The following STRN3 variants were observed in gnomAD, a reference collection of about 807,000 sequenced individuals.
STRN3 encodes the protein striatin 3.
Under a neutral mutation model 95.6 loss-of-function variants are expected in STRN3, and 29 were observed. The observed-to-expected ratio is 0.30, with a 90% CI of 0.23 to 0.41. STRN3 has a LOEUF of 0.41. Ranked by LOEUF, STRN3 falls within the 10% of genes least tolerant of loss-of-function variation. The pLI is 1.00. For missense variants in STRN3, 890 were observed against 972.1 expected, an observed-to-expected ratio of 0.92 and a Z score of 1.12; for synonymous variants, 331 against 357.6, an observed-to-expected ratio of 0.93 and a Z score of 0.84.
intron 8 of STRN3, among the ~76,000 whole-genome samples, chr14:30,924,595 T>G (rs1250701846): frequency 6.6e-6 from 1 of 152,150 alleles, no homozygotes; most frequent in Non-Finnish European, 1.5e-5. Context: ...CCCAGCCTCA[T>G]GCTTGAAATC....
intron 1 of STRN3, among the ~76,000 whole-genome samples, chr14:30,958,204 T>C (rs78593555): frequency 0.011 from 1,606 of 152,174 alleles, 34 homozygotes; most frequent in African/African-American, 0.036. Context: ...ACTTAGCTAC[T>C]TGGCAGGCTG....
intron 1 of STRN3, among the ~76,000 whole-genome samples, chr14:31,009,017 A>G (rs2139313728): frequency 1.3e-5 from 2 of 152,214 alleles, no homozygotes; most frequent in Middle Eastern, 6.8e-3. Flanking sequence ...CCAGCCTGGG[A>G]AACAGAAAGA....
intron 1 of STRN3, among the ~76,000 whole-genome samples, chr14:30,967,852 T>C (rs368813165): frequency 2.1e-4 from 32 of 152,350 alleles, no homozygotes; most frequent in East Asian, 7.7e-4. Flanking sequence ...GAAATCTTAA[T>C]TACCATACAA....
chr14:30,946,413 G>A (rs1180073947), intron 5 of STRN3, among the ~76,000 whole-genome samples: 6 of 151,962 alleles, frequency 3.9e-5, no homozygotes, highest in South Asian at 2.1e-4. Flanking sequence ...GCATAGTGGC[G>A]CATGCCTGGA....
chr14:31,014,579 G>C (rs1280616481), intron 1 of STRN3: 1 of 415,180 alleles, frequency 2.4e-6, no homozygotes, highest in Non-Finnish European at 4.8e-6. Flanking sequence ...TCTAAAAGTA[G>C]TCCAAAATTT....
intron 13 of STRN3, among the ~76,000 whole-genome samples, chr14:30,908,614 T>C (rs952256652): frequency 6.6e-6 from 1 of 152,212 alleles, no homozygotes; most frequent in African/African-American, 2.4e-5. Flanking sequence ...CATTCGAAAG[T>C]GCAGACTGCT....
intron 13 of STRN3, among the ~76,000 whole-genome samples, chr14:30,907,550 T>C (rs1896497069): frequency 6.6e-6 from 1 of 152,178 alleles, no homozygotes; most frequent in South Asian, 2.1e-4. Flanking sequence ...AATGGAATCA[T>C]ACAATATGTG....
At chr14:30,974,103 T>C (rs1482437697) in intron 1 of STRN3, among the ~76,000 whole-genome samples, 1 of 152,098 alleles carries the variant, frequency 6.6e-6, no homozygotes, top group Non-Finnish European at 1.5e-5. Flanking sequence ...AGAATTCCTA[T>C]CAATTAGGAA....
chr14:31,018,538 C>A, intron 1 of STRN3: 1 of 436,166 alleles, frequency 2.3e-6, no homozygotes. Flanking sequence ...TAAAGGACAT[C>A]CTGGCTGAAG....
At chr14:30,936,444 T>G (rs747917633) in intron 6 of STRN3, 51 bp downstream of exon 6, 2 of 1,557,788 alleles carry the variant, frequency 1.3e-6, no homozygotes, top group African/African-American at 1.4e-5. Context: ...AAAATTCCCA[T>G]TCCAACTACA....
chr14:30,994,066 G>A (rs1484048426), intron 1 of STRN3, among the ~76,000 whole-genome samples: 1 of 150,266 alleles, frequency 6.7e-6, no homozygotes, highest in African/African-American at 2.5e-5. Flanking sequence ...TAGTAGAGAT[G>A]GGGTTTCCCA....
At chr14:30,929,876 G>C (rs1878394605) in intron 7 of STRN3, among the ~76,000 whole-genome samples, 1 of 135,596 alleles carries the variant, frequency 7.4e-6, no homozygotes, top group African/African-American at 2.8e-5. Context: ...AAAGCATTCA[G>C]AGTCCCACCT....
intron 1 of STRN3, among the ~76,000 whole-genome samples, chr14:31,023,163 G>C (rs757046267): frequency 2.0e-5 from 3 of 152,154 alleles, no homozygotes; most frequent in Non-Finnish European, 4.4e-5. Flanking sequence ...ATCACTTGTA[G>C]AACTCTAAAA....
intron 5 of STRN3, among the ~76,000 whole-genome samples, chr14:30,941,277 T>C (rs768198495): frequency 7.2e-5 from 11 of 152,194 alleles, no homozygotes; most frequent in Non-Finnish European, 1.3e-4. Flanking sequence ...TTCTGCATGA[T>C]AGGACACAGG....
intron 8 of STRN3, among the ~76,000 whole-genome samples, chr14:30,919,629 T>C (rs563003321): frequency 5.6e-4 from 85 of 152,296 alleles, no homozygotes; most frequent in African/African-American, 1.1e-3. Context: ...TTTCCTGCCA[T>C]GTTAGTACAA....
intron 5 of STRN3, among the ~76,000 whole-genome samples, chr14:30,939,804 C>A (rs1955562): frequency 0.056 from 8,569 of 152,104 alleles, 441 homozygotes; most frequent in East Asian, 0.21. Flanking sequence ...AAATAACATG[C>A]TCAGATTGCT....
chr14:30,905,167 T>C (rs1023152785), intron 15 of STRN3, among the ~76,000 whole-genome samples: 18 of 152,314 alleles, frequency 1.2e-4, no homozygotes, highest in Admixed American at 2.6e-4. Flanking sequence ...AAGTTCATTA[T>C]GTTATTTTCT....
At chr14:30,931,341 GA>G (rs1333846138) in intron 7 of STRN3, among the ~76,000 whole-genome samples, 3 of 151,908 alleles carry the variant, frequency 2.0e-5, no homozygotes, top group East Asian at 1.9e-4. Context: ...AATCTAGGGG[GA>G]AAAAATACCA....
intron 1 of STRN3, among the ~76,000 whole-genome samples, chr14:30,974,184 C>T (rs542183634): frequency 1.3e-5 from 2 of 152,142 alleles, no homozygotes; most frequent in South Asian, 4.1e-4. Context: ...TGTAGAAACT[C>T]AAAAGATTCC....
Sources: allele counts gnomAD v4.1 joint callset (sites outside exome capture counted in the v4.1 genomes callset), GRCh38; gene constraint gnomAD v4.1.1; transcripts MANE v1.5; gene names NCBI Gene and HGNC (gene_info 2026-07-23, HGNC 2026-07-21).